Variants in FRMD6 observed in about 807,000 individuals in gnomAD.
FRMD6 encodes the protein FERM domain containing 6.
A neutral mutation model predicts 73.2 loss-of-function variants in FRMD6; 37 were observed. The observed-to-expected ratio is 0.51, with a 90% CI of 0.39 to 0.66. The LOEUF (loss-of-function observed/expected upper bound fraction) is 0.66. FRMD6 is among the 30% of genes least tolerant of loss of function. The pLI is 0.00. For synonymous variants in FRMD6, 273 were observed against 282.2 expected, an observed-to-expected ratio of 0.97 and a Z score of 0.33; for missense variants, 714 against 780.5, an observed-to-expected ratio of 0.91 and a Z score of 1.02.
chr14:51,468,144 A>C, the FRMD6 span, among the ~76,000 whole-genome samples: 1 of 152,034 alleles, frequency 6.6e-6, no homozygotes, highest in Non-Finnish European at 1.5e-5. Context: ...TACAAAAACC[A>C]GTCAGGCATG....
intron 10 of FRMD6, among the ~76,000 whole-genome samples, chr14:51,718,352 A>G (rs2140597475): frequency 6.6e-6 from 1 of 152,358 alleles, no homozygotes; most frequent in South Asian, 2.1e-4. Context: ...CTCTGAACCT[A>G]TCAGGAAGTT....
chr14:51,578,982 AC>A (rs1427162723), intron 2 of FRMD6: 2 of 152,072 alleles, frequency 1.3e-5, no homozygotes, highest in Non-Finnish European at 2.9e-5. Context: ...CTTTATGAAA[AC>A]CCAACCACAG....
the FRMD6 span, among the ~76,000 whole-genome samples, chr14:51,461,180 C>G: frequency 6.6e-6 from 1 of 152,132 alleles, no homozygotes; most frequent in Non-Finnish European, 1.5e-5. Flanking sequence ...GAGACATGTG[C>G]TATTTAAAGA....
the FRMD6 span, among the ~76,000 whole-genome samples, chr14:51,437,639 G>A: frequency 0.01 from 1,593 of 152,206 alleles, 52 homozygotes; most frequent in East Asian, 0.095. Flanking sequence ...CCAATCCCTG[G>A]GAGCAAGTTG....
At chr14:51,698,005 A>G (rs1464050641) in intron 2 of FRMD6, 137 bp from the exon 3 acceptor site, 2 of 589,602 alleles carry the variant, frequency 3.4e-6, no homozygotes, top group Non-Finnish European at 6.1e-6. Flanking sequence ...AGTGATTTGG[A>G]TAAAGCAGCA....
rs572449462 is a variant in FRMD6 at position 51,637,112 on chromosome 14, C to T, written c.-146-52579C>T. ...TGGTGTACACCTATAGTTCCAACTA[C>T]GTGGGAGGCTGAAGTGGGAGGATTG... is the stretch of plus-strand genomic sequence containing the variant. On this transcript the variant is annotated intron_variant, in intron 2 of 14. Transcript: ENST00000356218. 2.6e-4 allele frequency among the ~76,000 whole-genome samples: 40 copies of T among 152,140 alleles called. 1 individual carries two copies. In the South Asian group the frequency reaches 7.5e-3, roughly 28 times the overall value.
At chr14:51,509,918 C>T (rs769950842) in intron 1 of FRMD6, among the ~76,000 whole-genome samples, 29 of 152,242 alleles carry the variant, frequency 1.9e-4, no homozygotes, top group Middle Eastern at 3.4e-3. Context: ...TAGCCACTGC[C>T]CTGCGCGTAC....
At chr14:51,491,045 G>A (rs1357261626) in intron 1 of FRMD6, among the ~76,000 whole-genome samples, 1 of 152,160 alleles carries the variant, frequency 6.6e-6, no homozygotes, top group Non-Finnish European at 1.5e-5. Flanking sequence ...AAAACCCTGG[G>A]AATGAAGTTG....
intron 1 of FRMD6, among the ~76,000 whole-genome samples, chr14:51,665,518 C>T (rs12434533): frequency 0.01 from 1,561 of 152,284 alleles, 11 homozygotes; most frequent in South Asian, 0.018. Context: ...CTTCTCCTTC[C>T]GCTGCGTCCG....
chr14:51,451,866 T>A, the FRMD6 span, among the ~76,000 whole-genome samples: 1 of 152,220 alleles, frequency 6.6e-6, no homozygotes, highest in Non-Finnish European at 1.5e-5. Context: ...AATGGTGAGT[T>A]AAATAAATCT....
intron 2 of FRMD6, among the ~76,000 whole-genome samples, chr14:51,632,667 G>A (rs1400305731): frequency 6.6e-6 from 1 of 152,154 alleles, no homozygotes; most frequent in Non-Finnish European, 1.5e-5. Context: ...CAAAAAGAAT[G>A]TGGTCTGATA....
At chr14:51,654,806 G>A (rs184354434) in intron 1 of FRMD6, among the ~76,000 whole-genome samples, 16 of 151,920 alleles carry the variant, frequency 1.1e-4, no homozygotes, top group Admixed American at 1.0e-3. Context: ...AGATTTCTTG[G>A]GCTTTCCCTA....
chr14:51,467,801 C>T, the FRMD6 span, among the ~76,000 whole-genome samples: 3 of 148,890 alleles, frequency 2.0e-5, no homozygotes, highest in South Asian at 6.5e-4. Context: ...CTCCTCACTT[C>T]CCAGACTGGG....
chr14:51,614,741 T>G (rs1257197914), intron 2 of FRMD6, among the ~76,000 whole-genome samples: 5 of 152,182 alleles, frequency 3.3e-5, no homozygotes, highest in Non-Finnish European at 5.9e-5. Flanking sequence ...ATGTTATAGT[T>G]GAAAGAATGA....
In FRMD6 at chr14:51,610,784, A is replaced by G. The variant is rs898770345; in HGVS notation, c.-147+40374A>G. Among the ~76,000 whole-genome samples the G allele has an allele frequency of 4.6e-5, 7 of 152,238 alleles. No homozygotes were observed. In the East Asian group the frequency reaches 1.3e-3, roughly 29 times the overall value. ...GTCCCAGGGTTAGAAATTGTCAAACATTCTTCAGGACTTGGAGAACAAAGC... is the reference window on the plus strand; with the variant it reads ...GTCCCAGGGTTAGAAATTGTCAAACGTTCTTCAGGACTTGGAGAACAAAGC... On this transcript the variant is annotated intron_variant, in intron 2 of 14. Transcript: ENST00000356218.
chr14:51,442,750 G>A, the FRMD6 span, among the ~76,000 whole-genome samples: 1 of 152,150 alleles, frequency 6.6e-6, no homozygotes. Context: ...AGACATTGCT[G>A]GTCACTTCTT....
intron 1 of FRMD6, among the ~76,000 whole-genome samples, chr14:51,525,080 T>TAGAC (rs71121649): frequency 2.2e-5 from 1 of 44,908 alleles, no homozygotes; most frequent in East Asian, 7.6e-4. Context: ...AATAGATAGA[T>TAGAC]AGATAGATAG....
chr14:51,670,386 T>A (rs972371469), intron 1 of FRMD6, among the ~76,000 whole-genome samples: 9 of 152,204 alleles, frequency 5.9e-5, no homozygotes, highest in African/African-American at 1.9e-4. Context: ...AATTTTAGAC[T>A]CACAAGAAGT....
At chr14:51,540,428 C>T (rs577106380) in intron 1 of FRMD6, among the ~76,000 whole-genome samples, 9 of 152,158 alleles carry the variant, frequency 5.9e-5, no homozygotes, top group Admixed American at 2.0e-4. Context: ...ACCTTTTACC[C>T]GTGGTGAAAT....
Sources: gnomAD v4.1 joint callset for allele counts (sites outside exome capture counted in the v4.1 genomes callset) on GRCh38, gnomAD v4.1.1 for gene constraint, MANE v1.5 for transcripts, NCBI Gene and HGNC (gene_info 2026-07-23, HGNC 2026-07-21) for gene names.